The following C9 variants were observed in gnomAD, a reference collection of about 807,000 sequenced individuals.
The protein encoded by C9 is complement C9, also known as complement component C9.
Under a neutral mutation model 65.4 loss-of-function variants are expected in C9, and 63 were observed. The ratio of observed to expected loss-of-function variants is 0.96; its 90% CI spans 0.79 to 1.19. The LOEUF (loss-of-function observed/expected upper bound fraction) is 1.19, where lower values mean the gene tolerates loss of function less well. Ranked by LOEUF, C9 falls within the 50% of genes most tolerant of loss-of-function variation. The pLI, the probability that C9 is intolerant of heterozygous loss-of-function variation, is 0.00. For synonymous variants in C9, 229 were observed against 227.9 expected (o/e 1.00, Z -0.04); for missense variants, 744 against 670.1 (o/e 1.11, Z -1.22).
chr5:39,295,424 C>A (rs1427655959), intron 9 of C9, among the ~76,000 whole-genome samples: 1 of 150,788 alleles, frequency 6.6e-6, no homozygotes, highest in African/African-American at 2.4e-5. Flanking sequence ...CAAACTAGGC[C>A]AAAAAAGAAT....
chr5:39,300,170 T>C (rs752206289), intron 9 of C9, among the ~76,000 whole-genome samples: 1 of 152,108 alleles, frequency 6.6e-6, no homozygotes, highest in Non-Finnish European at 1.5e-5. Context: ...CCCAGCACTT[T>C]GGGAGGCCAA....
rs541945729 is a variant in C9 at position 39,333,737 on chromosome 5, G to C, written c.477-1923C>G. Reference sequence around the variant, plus strand: ...CCTGATTCTCCTGCCTCAGCCTGCCGAGTGCCTGCGATTGCAGGCGCGCAC... The same window carrying C: ...CCTGATTCTCCTGCCTCAGCCTGCCCAGTGCCTGCGATTGCAGGCGCGCAC... On this transcript the variant is annotated intron_variant, in intron 4 of 10. Transcript: ENST00000263408. 3.2e-4 allele frequency among the ~76,000 whole-genome samples: 49 copies of C among 152,128 alleles called. No homozygotes were observed. In the East Asian group the frequency reaches 4.3e-3, roughly 13 times the overall value.
intron 1 of C9, among the ~76,000 whole-genome samples, chr5:39,344,361 A>C (rs1353929941): frequency 6.6e-6 from 1 of 152,216 alleles, no homozygotes; most frequent in Non-Finnish European, 1.5e-5. Flanking sequence ...TGGCACGAGA[A>C]CTACGTGATG....
chr5:39,313,977 G>A (rs776441634), intron 6 of C9, among the ~76,000 whole-genome samples: 20 of 152,010 alleles, frequency 1.3e-4, no homozygotes, highest in Non-Finnish European at 2.1e-4. Context: ...CAAAAACCTT[G>A]GACTTATGTT....
At chr5:39,347,877 C>A (rs1294044191) in intron 1 of C9, among the ~76,000 whole-genome samples, 1 of 151,758 alleles carries the variant, frequency 6.6e-6, no homozygotes, top group South Asian at 2.1e-4. Context: ...ACATCTACAA[C>A]TATCTGATCT....
rs145210687 is a variant in C9, at chr5:39,297,072, C to A, written c.1417-8121G>T. On this transcript the variant is annotated intron_variant, in intron 9 of 10. Coordinates refer to ENST00000263408, the MANE Select transcript of C9 (RefSeq NM_001737.5). ...TACAACTACATAGGAGGAATAAGTT[C>A]TAGTGCTCTATAACATTGTAGGATT... 9.3e-4 allele frequency among the ~76,000 whole-genome samples: 141 copies of A among 151,562 alleles called. 1 individual carries two copies. The highest frequency in any genetic ancestry group is 3.4e-3 in the African/African-American group (139 of 41,464).
Position 39,315,851 on chromosome 5 carries a change from T to A in C9, c.794A>T (p.His265Leu). Reference sequence around the variant, plus strand: ...TGAAAACCGAAAACTACCCTTGCCATGTAAAGAAATTGAGGAGGCTGTTTC... The same window carrying A: ...TGAAAACCGAAAACTACCCTTGCCAAGTAAAGAAATTGAGGAGGCTGTTTC... ...CEETASSISL[H>L]GKGSFRFSYS... The change falls in exon 6 of 11, where the codon CAT becomes CTT. Residue 265 changes from histidine (H) to leucine (L), a missense_variant. By Grantham distance (99) the His-to-Leu change is moderately conservative. Transcript: ENST00000263408. 1 of 1,612,000 alleles carries A rather than the reference T, an allele frequency of 6.2e-7. No individual in the cohort carries two copies. The highest frequency in any genetic ancestry group is 8.5e-7 in the Non-Finnish European group (1 of 1,178,166).
chr5:39,358,707 C>G (rs761365762), intron 1 of C9, among the ~76,000 whole-genome samples: 1 of 151,946 alleles, frequency 6.6e-6, no homozygotes, highest in Non-Finnish European at 1.5e-5. Flanking sequence ...AGTACCGGGC[C>G]GGGCGCGGTG....
At chr5:39,351,191 G>A (rs188439209) in intron 1 of C9, among the ~76,000 whole-genome samples, 68 of 152,284 alleles carry the variant, frequency 4.5e-4, no homozygotes, top group Admixed American at 1.5e-3. Flanking sequence ...GTGATGCAGG[G>A]TGTCATGTCC....
Position 39,322,267 on chromosome 5 carries a change from T to C in C9, c.616-6238A>G, listed in dbSNP as rs1579857516. ...AACAATAAATAAGTCAATGAAGAGA[T>C]TAAAAGTTTAAAAATATCTTAAAAT... is the stretch of plus-strand genomic sequence containing the variant. On this transcript the variant is annotated intron_variant, in intron 5 of 10. Coordinates refer to ENST00000263408, the MANE Select transcript of C9 (RefSeq NM_001737.5). 4.6e-5 allele frequency among the ~76,000 whole-genome samples: 7 copies of C among 151,898 alleles called. No individual in the cohort carries two copies. In the South Asian group the frequency reaches 1.5e-3, roughly 32 times the overall value.
rs1753558364 is a variant in C9 at position 39,315,799 on chromosome 5, T to A, written c.846A>T (p.Leu282=). The A allele has an allele frequency of 3.1e-6, 5 of 1,604,824 alleles. No homozygotes were observed. The Admixed American group carries it at 8.3e-5, about 27-fold the overall frequency. The change falls in exon 6 of 11, where the codon CTA becomes CTT. Residue 282 remains leucine, a synonymous_variant. Coordinates refer to ENST00000263408, the MANE Select transcript of C9 (RefSeq NM_001737.5). ...FSYSKNETYQ[L]FLSYSSKKEK... ...CCTTCTTTGAAGAATATGACAAAAA[T>A]AGTTGGTAAGTTTCATTTTTGGAAT...
intron 4 of C9, among the ~76,000 whole-genome samples, chr5:39,336,916 A>G (rs574377048): frequency 3.5e-4 from 53 of 152,270 alleles, no homozygotes; most frequent in African/African-American, 1.3e-3. Context: ...GATAAAAAGA[A>G]TTAGAGATCA....
chr5:39,285,493 T>C (rs1279555287), intron 10 of C9, among the ~76,000 whole-genome samples: 1 of 152,148 alleles, frequency 6.6e-6, no homozygotes, highest in Non-Finnish European at 1.5e-5. Flanking sequence ...GATAGAGAAC[T>C]GATTCCTGGA....
intron 9 of C9, among the ~76,000 whole-genome samples, chr5:39,297,468 A>C (rs1489529860): frequency 6.6e-6 from 1 of 151,552 alleles, no homozygotes; most frequent in African/African-American, 2.4e-5. Flanking sequence ...AAATAGCAAG[A>C]CCCAACTATA....
chr5:39,334,525 GTCAGCCCCCGCCA>G lies in C9; in HGVS notation c.477-2724_477-2712del, dbSNP rs1425667416. On this transcript the variant is annotated intron_variant, in intron 4 of 10. Coordinates refer to ENST00000263408, the MANE Select transcript of C9 (RefSeq NM_001737.5). ...CACCCCGTCCGGGAGGGAGGTGGGG[GTCAGCCCCCGCCA>G]GGCCAGCCGCCCCGTCCGGGAGGGA... Among the ~76,000 whole-genome samples the G allele has an allele frequency of 4.5e-5, 6 of 132,464 alleles. 1 individual carries two copies. Among genetic ancestry groups the G allele is most frequent in the African/African-American group, 2.1e-4 (5 of 24,356 alleles). 86.9% of individuals were successfully genotyped at this position (132,464 alleles called of 152,430 possible).
chr5:39,357,323 C>A (rs1754428257), intron 1 of C9, among the ~76,000 whole-genome samples: 1 of 152,200 alleles, frequency 6.6e-6, no homozygotes, highest in Non-Finnish European at 1.5e-5. Context: ...TTAGTTCATG[C>A]AACTCGTCAA....
chr5:39,351,274 T>C (rs1250749545), intron 1 of C9, among the ~76,000 whole-genome samples: 1 of 152,160 alleles, frequency 6.6e-6, no homozygotes, highest in Non-Finnish European at 1.5e-5. Flanking sequence ...TATCCAAGCC[T>C]GTGATGGAAG....
At chr5:39,359,098 G>GTATATATATATATATATA (rs1375624632) in intron 1 of C9, among the ~76,000 whole-genome samples, 63 of 96,466 alleles carry the variant, frequency 6.5e-4, no homozygotes, top group African/African-American at 2.7e-3. Flanking sequence ...ATGTGTGTGT[G>GTATATATATATATATATA]TGTGTATATA....
At chr5:39,287,679 T>C (rs917882111) in intron 10 of C9, among the ~76,000 whole-genome samples, 1 of 151,982 alleles carries the variant, frequency 6.6e-6, no homozygotes, top group Non-Finnish European at 1.5e-5. Context: ...TGGAGCAACA[T>C]GGTTGGAGCT....
Sources: gnomAD v4.1 joint callset for allele counts (sites outside exome capture counted in the v4.1 genomes callset) on GRCh38, gnomAD v4.1.1 for gene constraint, MANE v1.5 for transcripts, NCBI Gene and HGNC (gene_info 2026-07-23, HGNC 2026-07-21) for gene names.